The following GNAZ variants were observed in gnomAD, a reference collection of about 807,000 sequenced individuals.
GNAZ encodes guanine nucleotide-binding protein G(z) subunit alpha.
Under a neutral mutation model 25.4 loss-of-function variants are expected in GNAZ, and 3 were observed. That is an observed-to-expected ratio of 0.12 (90% CI 0.05 to 0.30). GNAZ has a LOEUF of 0.30. Among genes scored for constraint, GNAZ ranks in the 10% least tolerant of loss-of-function variants. The pLI is 1.00. For missense variants in GNAZ, 241 were observed against 501.8 expected (o/e 0.48, Z 4.97); for synonymous variants, 211 against 205.7 (o/e 1.03, Z -0.22).
intron 2 of GNAZ, among the ~76,000 whole-genome samples, chr22:23,115,244 C>T (rs1406652654): frequency 6.6e-6 from 1 of 152,164 alleles, no homozygotes; most frequent in Non-Finnish European, 1.5e-5. Flanking sequence ...ACAACACAGT[C>T]CGGGGGCCCC....
intron 1 of GNAZ, among the ~76,000 whole-genome samples, chr22:23,089,994 C>G (rs548429123): frequency 1.3e-5 from 2 of 152,266 alleles, no homozygotes; most frequent in African/African-American, 2.4e-5. Flanking sequence ...GTGCCTGGCC[C>G]TATGTCGCAC....
intron 1 of GNAZ, among the ~76,000 whole-genome samples, chr22:23,086,032 C>T (rs1201045997): frequency 6.6e-6 from 1 of 152,390 alleles, no homozygotes; most frequent in East Asian, 1.9e-4. Flanking sequence ...TGGCTAGTGG[C>T]AGAAGCGGTT....
At chr22:23,120,752 C>T (rs141235160) in intron 2 of GNAZ, among the ~76,000 whole-genome samples, 4 of 152,194 alleles carry the variant, frequency 2.6e-5, no homozygotes, top group African/African-American at 9.6e-5. Context: ...CCCAAAAGGA[C>T]CCTGCCATCC....
At chr22:23,084,045 G>A (rs1182716858) in intron 1 of GNAZ, among the ~76,000 whole-genome samples, 1 of 152,180 alleles carries the variant, frequency 6.6e-6, no homozygotes, top group East Asian at 1.9e-4. Flanking sequence ...AAGGAGGGAG[G>A]GGTGAGCTAT....
intron 2 of GNAZ, among the ~76,000 whole-genome samples, chr22:23,120,923 G>T (rs2070006839): frequency 6.6e-6 from 1 of 152,168 alleles, no homozygotes; most frequent in Admixed American, 6.5e-5. Context: ...TGCAAAATTT[G>T]GGGTCAGAAG....
chr22:23,088,262 C>T (rs963389481), intron 1 of GNAZ, among the ~76,000 whole-genome samples: 5 of 152,218 alleles, frequency 3.3e-5, no homozygotes, highest in African/African-American at 9.6e-5. Context: ...TACCCCAGTG[C>T]GTTTCCTCCT....
At chr22:23,089,709 G>T (rs147313988) in intron 1 of GNAZ, among the ~76,000 whole-genome samples, 131 of 152,326 alleles carry the variant, frequency 8.6e-4, no homozygotes, top group African/African-American at 3.0e-3. Context: ...TCTTGAGGGG[G>T]ATGTCCATGT....
intron 1 of GNAZ, among the ~76,000 whole-genome samples, chr22:23,088,940 C>T (rs1443967203): frequency 6.6e-6 from 1 of 152,336 alleles, no homozygotes; most frequent in East Asian, 1.9e-4. Context: ...TGTGCCTCTC[C>T]CCCAGTCACA....
intron 2 of GNAZ, among the ~76,000 whole-genome samples, chr22:23,120,638 C>G (rs1277863671): frequency 6.6e-6 from 1 of 152,124 alleles, no homozygotes; most frequent in African/African-American, 2.4e-5. Flanking sequence ...CAGACCCAGG[C>G]CTAGCACCCA....
chr22:23,075,255 C>T (rs889157326), intron 1 of GNAZ, among the ~76,000 whole-genome samples: 1 of 152,202 alleles, frequency 6.6e-6, no homozygotes, highest in East Asian at 1.9e-4. Flanking sequence ...TTCAGGGCCG[C>T]TGGAGTCAGT....
chr22:23,107,268 C>G (rs1409111152), intron 2 of GNAZ, among the ~76,000 whole-genome samples: 1 of 152,236 alleles, frequency 6.6e-6, no homozygotes, highest in East Asian at 1.9e-4. Flanking sequence ...CCCTGGCCCC[C>G]ATCCCAGAGG....
At chr22:23,118,645 C>T (rs2069922222) in intron 2 of GNAZ, among the ~76,000 whole-genome samples, 1 of 152,234 alleles carries the variant, frequency 6.6e-6, no homozygotes, top group South Asian at 2.1e-4. Context: ...GGAGCCCTCC[C>T]CCTTGCCATG....
In GNAZ at chr22:23,124,199, T is replaced by TG. The variant is rs56132841; in HGVS notation, c.*768_*769insG. 0.53 allele frequency: 100,128 copies of TG among 190,714 alleles called. 28,047 individuals are homozygous for TG. Among genetic ancestry groups the TG allele is most frequent in the African/African-American group, 0.62 (24,975 of 40,198 alleles). 11.8% of individuals were successfully genotyped at this position (190,714 alleles called of 1,614,324 possible). A position where few individuals can be genotyped will look rare whatever the true frequency, so the allele number is the denominator to read the frequency against. On this transcript the variant is annotated 3_prime_UTR_variant, in exon 3 of 3. Coordinates refer to ENST00000615612, the MANE Select transcript of GNAZ (RefSeq NM_002073.4). ...GTTTTCCTTCTCTGACATTTTTTTT[T>TG]TGTTTTGTTTTTTGGTTTTTTTTTT...
chr22:23,101,786 A>T (rs968299458), intron 2 of GNAZ, among the ~76,000 whole-genome samples: 12 of 152,278 alleles, frequency 7.9e-5, no homozygotes, highest in Admixed American at 5.2e-4. Flanking sequence ...GCTCCCAAGG[A>T]CTGGACAGCC....
intron 2 of GNAZ, among the ~76,000 whole-genome samples, chr22:23,109,174 C>T (rs1349345338): frequency 6.6e-6 from 1 of 152,192 alleles, no homozygotes; most frequent in African/African-American, 2.4e-5. Flanking sequence ...AGAATAACTG[C>T]TGTCTCACAG....
chr22:23,107,962 G>A (rs980800908), intron 2 of GNAZ, among the ~76,000 whole-genome samples: 3 of 152,130 alleles, frequency 2.0e-5, no homozygotes, highest in Non-Finnish European at 2.9e-5. Context: ...GGCCCAGCCC[G>A]AGTCCCTTCA....
chr22:23,105,315 A>C (rs1392924204), intron 2 of GNAZ, among the ~76,000 whole-genome samples: 1 of 152,258 alleles, frequency 6.6e-6, no homozygotes, highest in African/African-American at 2.4e-5. Flanking sequence ...CACCCAGCTC[A>C]AGCAGTAACA....
chr22:23,077,386 CT>C (rs1219920461), intron 1 of GNAZ, among the ~76,000 whole-genome samples: 4 of 152,166 alleles, frequency 2.6e-5, no homozygotes, highest in Non-Finnish European at 5.9e-5. Flanking sequence ...TCATGGCAGC[CT>C]CTTTCTGTAC....
chr22:23,072,550 G>T (rs1388851676), intron 1 of GNAZ, among the ~76,000 whole-genome samples: 1 of 152,202 alleles, frequency 6.6e-6, no homozygotes, highest in Non-Finnish European at 1.5e-5. Context: ...CTCTGAAGGG[G>T]CTGTTTGTTA....
Sources: allele counts gnomAD v4.1 joint callset (sites outside exome capture counted in the v4.1 genomes callset), GRCh38; gene constraint gnomAD v4.1.1; transcripts MANE v1.5; gene names NCBI Gene and HGNC (gene_info 2026-07-23, HGNC 2026-07-21).